HYDIN: variants seen among roughly 807,000 people sequenced by gnomAD.
The protein encoded by HYDIN is axonemal central pair apparatus protein HYDIN.
A neutral mutation model predicts 403.9 loss-of-function variants in HYDIN; 132 were observed. The observed-to-expected ratio is 0.33, with a 90% CI of 0.28 to 0.38. The LOEUF (loss-of-function observed/expected upper bound fraction) is 0.38, where lower values mean the gene tolerates loss of function less well. Ranked by LOEUF, HYDIN falls within the 10% of genes least tolerant of loss-of-function variation. The probability of loss-of-function intolerance (pLI) is 1.00; values close to 1 mark genes in which losing one functional copy is unlikely to be tolerated. For synonymous variants in HYDIN, 1,202 were observed against 1,891.7 expected (o/e 0.64, Z 9.46); for missense variants, 2,827 against 5,009.5 (o/e 0.56, Z 13.15).
intron 43 of HYDIN, among the ~76,000 whole-genome samples, chr16:70,939,576 C>T (rs546541673): frequency 3.0e-4 from 46 of 152,264 alleles, no homozygotes; most frequent in African/African-American, 9.2e-4. Context: ...TACATGATTG[C>T]TTATTTAATC....
At chr16:70,825,106 TAA>T (rs912739819) in intron 83 of HYDIN, among the ~76,000 whole-genome samples, 1 of 152,186 alleles carries the variant, frequency 6.6e-6, no homozygotes, top group African/African-American at 2.4e-5. Context: ...TTTGCTGTCA[TAA>T]GAGTTTTGTC....
intron 50 of HYDIN, among the ~76,000 whole-genome samples, chr16:70,906,285 C>T (rs1226066297): frequency 6.6e-6 from 1 of 151,930 alleles, no homozygotes; most frequent in Non-Finnish European, 1.5e-5. Context: ...TTTCATACCC[C>T]CTCTATTTCC....
In HYDIN at chr16:70,845,826, C is replaced by T. The variant is rs747171789; in HGVS notation, c.12873+3900G>A. Among the ~76,000 whole-genome samples the T allele has an allele frequency of 2.0e-4, 27 of 135,462 alleles. 2 individuals are homozygous for T. The East Asian group carries it at 2.0e-3, about 10-fold the overall frequency. The allele number at this position is 135,462 out of a possible 152,430, so 88.9% of individuals were successfully genotyped here. A position where few individuals can be genotyped will look rare whatever the true frequency, so the allele number is the denominator to read the frequency against. Reference sequence around the variant, plus strand: ...TCTTCTAGATTTTCTAGTTTATTTGCGTAGAGGTGTTTGTAGTATTCTCTG... The same window carrying T: ...TCTTCTAGATTTTCTAGTTTATTTGTGTAGAGGTGTTTGTAGTATTCTCTG... On this transcript the variant is annotated intron_variant, in intron 75 of 85. Coordinates refer to ENST00000393567, the MANE Select transcript of HYDIN (RefSeq NM_001270974.2).
chr16:70,993,940 T>G (rs1225035110), intron 23 of HYDIN, among the ~76,000 whole-genome samples: 1 of 152,204 alleles, frequency 6.6e-6, no homozygotes, highest in Non-Finnish European at 1.5e-5. Context: ...CTATGTCATT[T>G]ACTATATAAT....
At chr16:71,223,946 T>C (rs1170077292) in intron 1 of HYDIN, among the ~76,000 whole-genome samples, 1 of 152,216 alleles carries the variant, frequency 6.6e-6, no homozygotes, top group Non-Finnish European at 1.5e-5. Context: ...CTACTGGGTA[T>C]CTACCCAAAG....
chr16:71,100,076 A>G (rs949401897), intron 10 of HYDIN, among the ~76,000 whole-genome samples: 2 of 152,138 alleles, frequency 1.3e-5, no homozygotes, highest in East Asian at 3.9e-4. Context: ...GGTCAACTGT[A>G]TTTCTATATC....
At chr16:71,000,762 G>A (rs56003635) in intron 23 of HYDIN, among the ~76,000 whole-genome samples, 1 of 151,838 alleles carries the variant, frequency 6.6e-6, no homozygotes, top group East Asian at 1.9e-4. Flanking sequence ...CTGACCCACC[G>A]CAGCAGAAGA....
chr16:70,971,960 G>A (rs2078745639), intron 35 of HYDIN, among the ~76,000 whole-genome samples: 1 of 152,038 alleles, frequency 6.6e-6, no homozygotes, highest in Non-Finnish European at 1.5e-5. Context: ...CTTGTATACA[G>A]CTAATAAATT....
intron 18 of HYDIN, among the ~76,000 whole-genome samples, chr16:71,052,447 T>TA (rs1310977815): frequency 6.6e-6 from 1 of 151,770 alleles, no homozygotes; most frequent in Non-Finnish European, 1.5e-5. Flanking sequence ...ATGAAAAAAA[T>TA]AGACTTTACT....
At chr16:70,995,926 C>T (rs1336379188) in intron 23 of HYDIN, among the ~76,000 whole-genome samples, 1 of 150,874 alleles carries the variant, frequency 6.6e-6, no homozygotes, top group South Asian at 2.1e-4. Context: ...TAGGGTGATG[C>T]CCCCAGGTGC....
intron 4 of HYDIN, among the ~76,000 whole-genome samples, chr16:71,177,044 G>A (rs1037324145): frequency 2.6e-5 from 4 of 152,280 alleles, no homozygotes; most frequent in East Asian, 1.9e-4. Flanking sequence ...AGCCTGCCTC[G>A]CCTGGAGAGA....
At chr16:70,931,829 A>G (rs1247937806) in intron 45 of HYDIN, among the ~76,000 whole-genome samples, 1 of 151,396 alleles carries the variant, frequency 6.6e-6, no homozygotes, top group Non-Finnish European at 1.5e-5. Flanking sequence ...AGCCTGGCCA[A>G]TATGGTGAAA....
intron 67 of HYDIN, among the ~76,000 whole-genome samples, chr16:70,863,399 A>G (rs2039531641): frequency 6.6e-6 from 1 of 152,222 alleles, no homozygotes; most frequent in South Asian, 2.1e-4. Context: ...AAATATAAAA[A>G]ATATTTATCA....
Position 70,803,671 on chromosome 16 carries a change from A to C in HYDIN, c.*3909T>G, listed in dbSNP as rs145975369. Among the ~76,000 whole-genome samples the C allele has an allele frequency of 6.6e-6, 1 of 152,370 alleles. No homozygotes were observed. The highest frequency in any genetic ancestry group is 1.5e-5 in the Non-Finnish European group (1 of 68,026). On this transcript the variant is annotated 3_prime_UTR_variant, in exon 86 of 86. Coordinates refer to ENST00000393567, the MANE Select transcript of HYDIN (RefSeq NM_001270974.2). ...ATTGTACCAAAATCTTGAACTGTGCAAAGCAGTTTCTCCAACAGCAATGTA... is the reference window on the plus strand; with the variant it reads ...ATTGTACCAAAATCTTGAACTGTGCCAAGCAGTTTCTCCAACAGCAATGTA...
chr16:70,906,869 G>C, intron 50 of HYDIN, among the ~76,000 whole-genome samples: 1 of 152,066 alleles, frequency 6.6e-6, no homozygotes, highest in Admixed American at 6.5e-5. Context: ...TGGTCTTTTT[G>C]GTTTCCCCAA....
At chr16:71,130,259 T>C (rs1230048312) in intron 8 of HYDIN, among the ~76,000 whole-genome samples, 16 of 152,084 alleles carry the variant, frequency 1.1e-4, no homozygotes, top group East Asian at 1.9e-4. Context: ...GCATAGAACC[T>C]GGGGCCGGCA....
intron 76 of HYDIN, among the ~76,000 whole-genome samples, chr16:70,839,421 A>G (rs1242215780): frequency 6.7e-6 from 1 of 149,028 alleles, no homozygotes; most frequent in African/African-American, 2.6e-5. Context: ...AAATAAAATA[A>G]AAAATCAGTT....
chr16:70,808,137 C>T, intron 85 of HYDIN, 75 bp from the exon 86 acceptor site: 1 of 1,498,720 alleles, frequency 6.7e-7, no homozygotes. Flanking sequence ...CTACCCCAGC[C>T]CCTCCACTCC....
At chr16:70,931,384 G>T (rs1247519604) in intron 45 of HYDIN, among the ~76,000 whole-genome samples, 4 of 151,490 alleles carry the variant, frequency 2.6e-5, no homozygotes, top group African/African-American at 9.7e-5. Context: ...GCAGTTTAAA[G>T]ATTCCTGACA....
Sources: allele counts gnomAD v4.1 joint callset (sites outside exome capture counted in the v4.1 genomes callset), GRCh38; gene constraint gnomAD v4.1.1; transcripts MANE v1.5; gene names NCBI Gene and HGNC (gene_info 2026-07-23, HGNC 2026-07-21).